ELP1: variants seen among roughly 807,000 people sequenced by gnomAD.
ELP1 encodes elongator acetyltransferase complex subunit 1.
In ELP1, 131 loss-of-function variants were observed where a neutral mutation model predicts 183.2. The ratio of observed to expected loss-of-function variants is 0.72; its 90% CI spans 0.62 to 0.83. The LOEUF is 0.83. ELP1 is among the 40% of genes least tolerant of loss of function. The pLI is 0.00. For synonymous variants in ELP1, 555 were observed against 569.0 expected, an observed-to-expected ratio of 0.98 and a Z score of 0.35; for missense variants, 1,550 against 1,594.9, an observed-to-expected ratio of 0.97 and a Z score of 0.48.
At chr9:108,874,535 G>A (rs1469238735) in intron 36 of ELP1, among the ~76,000 whole-genome samples, 2 of 152,156 alleles carry the variant, frequency 1.3e-5, no homozygotes, top group African/African-American at 2.4e-5. Flanking sequence ...AAGCATAACT[G>A]CCAATAGCCA....
chr9:108,930,709 A>C (rs970042873), intron 2 of ELP1, among the ~76,000 whole-genome samples: 1 of 149,174 alleles, frequency 6.7e-6, no homozygotes. Flanking sequence ...AAAAAAAAAA[A>C]ACCACTCTTA....
intron 28 of ELP1, 128 bp from the exon 29 acceptor site, chr9:108,889,521 A>G (rs1024740758): frequency 2.4e-6 from 2 of 830,454 alleles, no homozygotes; most frequent in Non-Finnish European, 4.1e-6. Flanking sequence ...GAATAGGTAT[A>G]TACACCACAG....
At chr9:108,873,232 C>T (rs1257208975) in intron 36 of ELP1, among the ~76,000 whole-genome samples, 1 of 152,168 alleles carries the variant, frequency 6.6e-6, no homozygotes. Context: ...GCAAGACTTG[C>T]AATTGATCTG....
In ELP1 at chr9:108,932,958, C is replaced by T. The variant is rs1347595138; in HGVS notation, c.-56+906G>A. Among the ~76,000 whole-genome samples the T allele has an allele frequency of 2.0e-5, 3 of 152,170 alleles. No homozygotes were observed. The East Asian group carries it at 5.8e-4, about 29-fold the overall frequency. On this transcript the variant is annotated intron_variant, in intron 1 of 36. Transcript: ENST00000374647. ...TTCCTGATAACTGCTTCATTTTCTT[C>T]CCTTGCTCCTTCGACTATCCACCTC...
chr9:108,875,007 T>C (rs1337963948), intron 35 of ELP1, 37 bp from the exon 36 acceptor site: 1 of 1,431,968 alleles, frequency 7.0e-7, no homozygotes, highest in South Asian at 1.1e-5. Context: ...AAAGATTATC[T>C]AATACTTCTC....
intron 30 of ELP1, 71 bp downstream of exon 30, chr9:108,882,054 A>G: frequency 1.6e-6 from 2 of 1,268,304 alleles, no homozygotes; most frequent in Non-Finnish European, 2.3e-6. Flanking sequence ...AGAGATTCCA[A>G]CTGACCTGGA....
intron 33 of ELP1, 73 bp from the exon 34 acceptor site, chr9:108,878,823 G>C: frequency 6.5e-7 from 1 of 1,543,142 alleles, no homozygotes; most frequent in Non-Finnish European, 8.9e-7. Flanking sequence ...ACCTTGCCTG[G>C]CTACTTTCTT....
chr9:108,923,510 G>A (rs544348394), intron 5 of ELP1, among the ~76,000 whole-genome samples: 1 of 152,262 alleles, frequency 6.6e-6, no homozygotes, highest in Admixed American at 6.5e-5. Context: ...ACAAGTCAGC[G>A]ATCTCACCCT....
intron 27 of ELP1, 54 bp downstream of exon 27, chr9:108,892,932 C>A (rs1241549960): frequency 8.1e-7 from 1 of 1,232,902 alleles, no homozygotes; most frequent in Non-Finnish European, 1.2e-6. Flanking sequence ...TCACTCCTTT[C>A]CTACTAAAGC....
chr9:108,897,845 G>A (rs544432477), intron 22 of ELP1, among the ~76,000 whole-genome samples: 12 of 152,280 alleles, frequency 7.9e-5, no homozygotes, highest in Admixed American at 3.3e-4. Flanking sequence ...TACATGAAGT[G>A]TACATTTGCC....
chr9:108,885,598 T>G lies in ELP1; in HGVS notation c.3223-3411A>C, dbSNP rs112448259. ...CTAAACATTTAAAGAAAAAAATATCTCCCAAGAGCTGGGAGAAAGAGCTGA... is the reference window on the plus strand; with the variant it reads ...CTAAACATTTAAAGAAAAAAATATCGCCCAAGAGCTGGGAGAAAGAGCTGA... On this transcript the variant is annotated intron_variant, in intron 29 of 36. Coordinates refer to ENST00000374647, the MANE Select transcript of ELP1 (RefSeq NM_003640.5). 2.6e-3 allele frequency among the ~76,000 whole-genome samples: 401 copies of G among 152,256 alleles called. 3 individuals are homozygous for G. The highest frequency in any genetic ancestry group is 9.0e-3 in the African/African-American group (372 of 41,554).
intron 10 of ELP1, among the ~76,000 whole-genome samples, chr9:108,913,012 G>A (rs1372780774): frequency 2.0e-5 from 3 of 151,666 alleles, no homozygotes; most frequent in Non-Finnish European, 2.9e-5. Context: ...CGCCTGCCTC[G>A]GCCTCCCAAA....
chr9:108,920,801 G>GA (rs1234173360), intron 6 of ELP1, among the ~76,000 whole-genome samples: 3 of 151,942 alleles, frequency 2.0e-5, no homozygotes, highest in Admixed American at 6.5e-5. Context: ...AAAAGTTCAT[G>GA]AAAAAAAGCT....
intron 20 of ELP1, 25 bp from the exon 21 acceptor site, chr9:108,898,774 G>T: frequency 6.5e-7 from 1 of 1,547,020 alleles, no homozygotes; most frequent in Non-Finnish European, 8.9e-7. Flanking sequence ...AGAAAGAATA[G>T]AAAAGATATT....
chr9:108,887,917 C>T (rs1828189321), intron 29 of ELP1, among the ~76,000 whole-genome samples: 2 of 152,186 alleles, frequency 1.3e-5, no homozygotes. Context: ...GTTAAACATC[C>T]ACTTACCACG....
chr9:108,881,784 T>C lies in ELP1; in HGVS notation c.3286-19A>G. 1 of 1,410,626 alleles carries C rather than the reference T, an allele frequency of 7.1e-7. No homozygotes were observed. The highest frequency in any genetic ancestry group is 1.0e-6 in the Non-Finnish European group (1 of 995,296). The allele number at this position is 1,410,626 out of a possible 1,614,324, so 87.4% of individuals were successfully genotyped here. ...TGTATACCTAGAAGGAAAAACACAA[T>C]AATTTTAGGAAGGAAAACTTCTAGT... is the stretch of plus-strand genomic sequence containing the variant. On this transcript the variant is annotated intron_variant, in intron 30 of 36. Transcript: ENST00000374647.
intron 11 of ELP1, 134 bp from the exon 12 acceptor site, chr9:108,911,314 A>G: frequency 1.1e-6 from 1 of 894,356 alleles, no homozygotes. Context: ...TTTCTCAGGA[A>G]CAAGTCTAAA....
At chr9:108,876,777 G>A (rs1827723021) in intron 35 of ELP1, among the ~76,000 whole-genome samples, 1 of 150,368 alleles carries the variant, frequency 6.7e-6, no homozygotes. Flanking sequence ...TGCTGCCCAG[G>A]TTGGAGTACA....
chr9:108,923,343 T>C (rs1829722226), intron 5 of ELP1, among the ~76,000 whole-genome samples: 2 of 152,076 alleles, frequency 1.3e-5, no homozygotes, highest in Non-Finnish European at 2.9e-5. Context: ...CTGCACTCTC[T>C]AGCCTGGGTA....
Sources: gnomAD v4.1 joint callset for allele counts (sites outside exome capture counted in the v4.1 genomes callset) on GRCh38, gnomAD v4.1.1 for gene constraint, MANE v1.5 for transcripts, NCBI Gene and HGNC (gene_info 2026-07-23, HGNC 2026-07-21) for gene names.